Variants in KLHL22 observed in about 807,000 individuals in gnomAD.
KLHL22 encodes the protein kelch like family member 22.
Under a neutral mutation model 60.7 loss-of-function variants are expected in KLHL22, and 18 were observed. The observed-to-expected ratio is 0.30, with a 90% CI of 0.20 to 0.44. The LOEUF is 0.44. Among genes scored for constraint, KLHL22 ranks in the 20% least tolerant of loss-of-function variants. The pLI, the probability that KLHL22 is intolerant of heterozygous loss-of-function variation, is 1.00. For synonymous variants in KLHL22, 355 were observed against 354.5 expected, an observed-to-expected ratio of 1.00 and a Z score of -0.01; for missense variants, 596 against 852.3, an observed-to-expected ratio of 0.70 and a Z score of 3.74.
chr22:20,494,420 G>A (rs940381047), intron 1 of KLHL22, among the ~76,000 whole-genome samples: 4 of 151,920 alleles, frequency 2.6e-5, no homozygotes, highest in East Asian at 1.9e-4. Context: ...TCACTATATG[G>A]TGTAGGCTAG....
intron 2 of KLHL22, among the ~76,000 whole-genome samples, chr22:20,472,044 C>T (rs780496093): frequency 2.0e-5 from 3 of 151,974 alleles, no homozygotes; most frequent in Admixed American, 6.6e-5. Flanking sequence ...GTCAGGAATT[C>T]GAGACCAGCC....
rs2053752127 is a variant in KLHL22 at position 20,495,356 on chromosome 22, G to A, written c.-34+404C>T. On this transcript the variant is annotated intron_variant, in intron 1 of 6. Transcript: ENST00000328879. This position sits in a 1 kb window ranked among gnomAD's most constrained non-coding sequence, Gnocchi z 4.6. ...CGAGGGAACTGAGGCTCGTCAGGCC[G>A]GCCCCAAATCGCCCGCCTGTTGCAA... 6.6e-6 allele frequency among the ~76,000 whole-genome samples: 1 copy of A among 152,174 alleles called. No homozygotes were observed. The highest frequency in any genetic ancestry group is 6.5e-5 in the Admixed American group (1 of 15,284).
chr22:20,454,143 A>G (rs2053026058), intron 5 of KLHL22, among the ~76,000 whole-genome samples: 1 of 152,034 alleles, frequency 6.6e-6, no homozygotes. Flanking sequence ...AGCCTGGGCA[A>G]TATGGTGAAA....
In KLHL22 at chr22:20,489,328, C is replaced by T. The variant is rs556267647; in HGVS notation, c.-33-84G>A. ...ACAGACTGGCCAGCTCTGTTGCTCC[C>T]CTTGCTCCTGTGCCTCCCTCAGGCT... On this transcript the variant is annotated intron_variant, in intron 1 of 6. Transcript: ENST00000328879. The T allele has an allele frequency of 3.5e-5, 35 of 987,348 alleles. No homozygotes were observed. The Admixed American group carries it at 5.0e-4, about 14-fold the overall frequency. The allele number at this position is 987,348 out of a possible 1,614,324, so 61.2% of individuals were successfully genotyped here. A position where few individuals can be genotyped will look rare whatever the true frequency, so the allele number is the denominator to read the frequency against.
Position 20,442,146 on chromosome 22 carries a change from G to T in KLHL22, c.1832C>A (p.Ala611Asp). The T allele has an allele frequency of 6.5e-7, 1 of 1,541,892 alleles. No homozygotes were observed. The highest frequency in any genetic ancestry group is 8.7e-7 in the Non-Finnish European group (1 of 1,143,020). ...CACCTCAGAGGCAAAGTCCGGGTCG[G>T]CCTGGCTGCGGTCAGGGGTCCCGCG... ...PPRGTPDRSQ[A>D]DPDFASEVMS... is the part of the protein sequence containing the mutation. The change falls in exon 7 of 7, where the codon GCC becomes GAC. Residue 611 changes from alanine to aspartate, a missense_variant. Coordinates refer to ENST00000328879, the MANE Select transcript of KLHL22 (RefSeq NM_032775.4).
intron 3 of KLHL22, among the ~76,000 whole-genome samples, chr22:20,469,489 G>C (rs1257456525): frequency 6.6e-6 from 1 of 152,198 alleles, no homozygotes; most frequent in East Asian, 1.9e-4. Flanking sequence ...CTGCTGCCAG[G>C]GTGGAGAATT....
At position 20,442,552 on chromosome 22, in the gene KLHL22, G is replaced by A. The variant is rs1033233367; in HGVS notation, c.1540-114C>T. On this transcript the variant is annotated intron_variant, in intron 6 of 6. Coordinates refer to ENST00000328879, the MANE Select transcript of KLHL22 (RefSeq NM_032775.4). ...GTTACCCACCATTCTGACAGGTCAG[G>A]CCCCCTGGAAGGATGGCACAGGGCC... 17 of 1,312,382 alleles carry A rather than the reference G, an allele frequency of 1.3e-5. No individual in the cohort carries two copies. In the African/African-American group the frequency reaches 2.2e-4, roughly 17 times the overall value. 81.3% of individuals were successfully genotyped at this position (1,312,382 alleles called of 1,614,324 possible). A position where few individuals can be genotyped will look rare whatever the true frequency, so the allele number is the denominator to read the frequency against.
intron 2 of KLHL22, among the ~76,000 whole-genome samples, chr22:20,484,453 C>T (rs1193375690): frequency 1.3e-5 from 2 of 151,924 alleles, no homozygotes; most frequent in African/African-American, 2.4e-5. Context: ...CACCACTACG[C>T]CCAGCTAATT....
In KLHL22 at chr22:20,465,107, C is replaced by A; in HGVS notation, c.863G>T (p.Ser288Ile). Reference protein sequence around the residue: ...RNESLQPSLQSPQTELRSDFQ... With the variant: ...RNESLQPSLQIPQTELRSDFQ... ...GTCCGACCGCAGCTCCGTTTGCGGG[C>A]TCTGCAGGCTGGGCTGTAGGCTCTC... The change falls in exon 4 of 7, where the codon AGC becomes ATC. Residue 288 changes from serine (S) to isoleucine (I), a missense_variant. By Grantham distance (142) the Ser-to-Ile change is moderately radical. Coordinates refer to ENST00000328879, the MANE Select transcript of KLHL22 (RefSeq NM_032775.4). This position sits in a 1 kb window ranked among gnomAD's most constrained non-coding sequence, Gnocchi z 4.9. 6.2e-7 allele frequency: 1 copy of A among 1,613,982 alleles called. No homozygotes were observed. Among genetic ancestry groups the A allele is most frequent in the Non-Finnish European group, 8.5e-7 (1 of 1,179,990 alleles).
intron 2 of KLHL22, chr22:20,483,992 GC>G (rs985543133): frequency 8.5e-6 from 6 of 709,464 alleles, no homozygotes; most frequent in African/African-American, 1.8e-5. Context: ...AGCCCTCGGT[GC>G]CTGCATAGAC....
intron 3 of KLHL22, among the ~76,000 whole-genome samples, chr22:20,466,400 A>C (rs1188542691): frequency 1.4e-5 from 2 of 142,042 alleles, no homozygotes; most frequent in Admixed American, 1.4e-4. Context: ...AAAAAAAAGA[A>C]GTACTGGCTC....
In KLHL22 at chr22:20,465,404, C is replaced by A. The variant is rs1031871742; in HGVS notation, c.566G>T (p.Arg189Leu). The stretch of plus-strand genomic sequence containing the variant: ...GTAGACCTTCTCCAATGGAAGCTGG[C>A]GGTACTTGTCAGTCCGAGAGAAGGC... ...FVAFSRTDKY[R>L]QLPLEKVYSL... Residue 189 changes from arginine (R) to leucine (L), a missense_variant, in exon 4 of 7, where the codon CGC becomes CTC. Transcript: ENST00000328879. This position sits in a 1 kb window ranked among gnomAD's most constrained non-coding sequence, Gnocchi z 4.9. 1 of 1,614,074 alleles carries A rather than the reference C, an allele frequency of 6.2e-7. No homozygotes were observed. Among genetic ancestry groups the A allele is most frequent in the Non-Finnish European group, 8.5e-7 (1 of 1,180,008 alleles).
At chr22:20,454,096 A>G (rs570195742) in intron 5 of KLHL22, among the ~76,000 whole-genome samples, 20 of 152,288 alleles carry the variant, frequency 1.3e-4, no homozygotes, top group African/African-American at 4.8e-4. Flanking sequence ...ACTTTGGCCG[A>G]GGCAGACAGA....
intron 1 of KLHL22, among the ~76,000 whole-genome samples, chr22:20,494,887 C>T (rs2053745508): frequency 6.6e-6 from 1 of 152,162 alleles, no homozygotes; most frequent in Admixed American, 6.5e-5. Context: ...GAGTAGATAC[C>T]CTCAGCCTTC....
intron 2 of KLHL22, chr22:20,475,170 G>A (rs2053390055): frequency 7.3e-6 from 1 of 136,778 alleles, no homozygotes; most frequent in Non-Finnish European, 1.5e-5. Context: ...TTTTTGCCAT[G>A]CAGAAATTTG....
Position 20,471,416 on chromosome 22 carries a change from G to C in KLHL22, c.327C>G (p.Tyr109Ter). The C allele has an allele frequency of 6.2e-7, 1 of 1,614,126 alleles. No homozygotes were observed. The highest frequency in any genetic ancestry group is 1.3e-5 in the African/African-American group (1 of 75,046). Residue 109 changes from tyrosine (Y) to a stop codon, truncating the protein, a stop_gained, in exon 3 of 7, where the codon TAC (tyrosine) becomes TAG (stop). Coordinates refer to ENST00000328879, the MANE Select transcript of KLHL22 (RefSeq NM_032775.4). LOFTEE classifies it high-confidence loss of function. ...TCAGGCTGAGCTCCAGCTCGGAGGT[G>C]TATATGAAATGTAGGATTTGGCACA... ...NAMCQILHFI[Y>*]TSELELSLSN... is the part of the protein sequence containing the mutation.
At chr22:20,471,831 C>T (rs536606059) in intron 2 of KLHL22, among the ~76,000 whole-genome samples, 27 of 152,266 alleles carry the variant, frequency 1.8e-4, no homozygotes, top group African/African-American at 5.8e-4. Flanking sequence ...GTTCCTGGAT[C>T]GGAGCAGTAG....
intron 3 of KLHL22, among the ~76,000 whole-genome samples, chr22:20,469,181 T>C (rs1387054613): frequency 1.3e-5 from 2 of 151,782 alleles, no homozygotes; most frequent in East Asian, 3.9e-4. Flanking sequence ...GGCAGAAACA[T>C]ACAGATGGAG....
intron 2 of KLHL22, 157 bp downstream of exon 2, chr22:20,488,828 T>C (rs1333336283): frequency 1.3e-5 from 9 of 667,304 alleles, no homozygotes; most frequent in Non-Finnish European, 2.3e-5. Flanking sequence ...TAAGACCCCC[T>C]TCTGTCTCTC....
Sources: allele counts gnomAD v4.1 joint callset (sites outside exome capture counted in the v4.1 genomes callset), GRCh38; gene constraint gnomAD v4.1.1; non-coding constraint Gnocchi (gnomAD v3.1); transcripts MANE v1.5; gene names NCBI Gene and HGNC (gene_info 2026-07-23, HGNC 2026-07-21).